The following PRKN variants were observed in gnomAD, a reference collection of about 807,000 sequenced individuals.
PRKN encodes the protein parkin RBR E3 ubiquitin protein ligase, also known as E3 ubiquitin-protein ligase parkin.
PRKN carries 56 observed loss-of-function variants against 59.5 expected under a neutral mutation model. The ratio of observed to expected loss-of-function variants is 0.94; its 90% CI spans 0.76 to 1.18. PRKN has a LOEUF of 1.18. Among genes scored for constraint, PRKN ranks in the 50% most tolerant of loss-of-function variants. The pLI is 0.00. For synonymous variants in PRKN, 250 were observed against 222.1 expected, an observed-to-expected ratio of 1.13 and a Z score of -1.12; for missense variants, 657 against 596.4, an observed-to-expected ratio of 1.10 and a Z score of -1.06.
chr6:162,643,586 G>C (rs965887698), intron 1 of PRKN, among the ~76,000 whole-genome samples: 12 of 151,828 alleles, frequency 7.9e-5, no homozygotes, highest in Non-Finnish European at 1.5e-4. Context: ...TGTGGGAAAG[G>C]GTGAGCTGTC....
At chr6:162,600,875 T>G (rs1036707827) in intron 1 of PRKN, among the ~76,000 whole-genome samples, 3 of 152,194 alleles carry the variant, frequency 2.0e-5, no homozygotes, top group African/African-American at 4.8e-5. Flanking sequence ...CTATGCTTCC[T>G]GTACAACTTG....
At position 161,874,560 on chromosome 6, in the gene PRKN, A is replaced by ATG. The variant is rs1384300475; in HGVS notation, c.735-88653_735-88652insCA. Among the ~76,000 whole-genome samples, 1,132 of 113,906 alleles carry ATG rather than the reference A, an allele frequency of 9.9e-3. 88 individuals are homozygous for ATG. The highest frequency in any genetic ancestry group is 0.013 in the Non-Finnish European group (786 of 62,412). The allele number at this position is 113,906 out of a possible 152,430, so 74.7% of individuals were successfully genotyped here. A position where few individuals can be genotyped will look rare whatever the true frequency, so the allele number is the denominator to read the frequency against. ...ATATATTATGTAAAATATATATTAT[A>ATG]TATAAAATATATATTATGTAAAATA... On this transcript the variant is annotated intron_variant, in intron 6 of 11. Transcript: ENST00000366898.
At chr6:162,424,087 T>C (rs1360651435) in intron 2 of PRKN, among the ~76,000 whole-genome samples, 3 of 152,078 alleles carry the variant, frequency 2.0e-5, no homozygotes, top group African/African-American at 7.2e-5. Context: ...AAAAGATATA[T>C]GTGACCAAGC....
intron 2 of PRKN, among the ~76,000 whole-genome samples, chr6:162,334,676 T>C (rs924129554): frequency 2.0e-5 from 3 of 152,220 alleles, no homozygotes; most frequent in African/African-American, 7.2e-5. Flanking sequence ...GCAAGTCTTA[T>C]TATTTAAGAA....
chr6:161,450,808 G>A (rs1352460351), intron 9 of PRKN, among the ~76,000 whole-genome samples: 10 of 152,112 alleles, frequency 6.6e-5, no homozygotes, highest in African/African-American at 2.4e-5. Flanking sequence ...GCCCACCCTG[G>A]CCTCCCAAAG....
Position 161,348,687 on chromosome 6 carries a change from T to G in PRKN, c.*1412A>C, listed in dbSNP as rs1784417603. 4.8e-6 allele frequency: 1 copy of G among 210,372 alleles called. No individual in the cohort carries two copies. Among genetic ancestry groups the G allele is most frequent in the African/African-American group, 2.3e-5 (1 of 44,094 alleles). 13.0% of individuals were successfully genotyped at this position (210,372 alleles called of 1,614,324 possible). On this transcript the variant is annotated 3_prime_UTR_variant, in exon 12 of 12. Coordinates refer to ENST00000366898, the MANE Select transcript of PRKN (RefSeq NM_004562.3). This position sits in a 1 kb window ranked among gnomAD's most constrained non-coding sequence, Gnocchi z 4.9. ...GAAGCCCTGTTGCCGATTTAATAATTTACAGTCTCTAAATCCAAAAGGGCC... is the reference window on the plus strand; with the variant it reads ...GAAGCCCTGTTGCCGATTTAATAATGTACAGTCTCTAAATCCAAAAGGGCC...
intron 1 of PRKN, among the ~76,000 whole-genome samples, chr6:162,525,880 G>A (rs1035623689): frequency 6.6e-5 from 10 of 152,042 alleles, no homozygotes; most frequent in African/African-American, 2.2e-4. Flanking sequence ...TGGAGACAGG[G>A]TCTCACTCCA....
intron 7 of PRKN, among the ~76,000 whole-genome samples, chr6:161,681,924 C>T (rs1479313056): frequency 6.6e-6 from 1 of 152,248 alleles, no homozygotes; most frequent in Non-Finnish European, 1.5e-5. Context: ...CAAAGGGCTC[C>T]TGCAGATAGA....
chr6:162,360,890 T>C (rs1025103776), intron 2 of PRKN, among the ~76,000 whole-genome samples: 2 of 152,216 alleles, frequency 1.3e-5, no homozygotes, highest in African/African-American at 2.4e-5. Flanking sequence ...GAACTGGCCT[T>C]TGAGAGACAA....
intron 3 of PRKN, among the ~76,000 whole-genome samples, chr6:162,250,676 A>G (rs1174071748): frequency 3.3e-5 from 5 of 152,230 alleles, no homozygotes; most frequent in African/African-American, 7.2e-5. Flanking sequence ...ATAAAGTAGG[A>G]CTTGCAAAAT....
At chr6:162,606,109 A>C (rs79355827) in intron 1 of PRKN, among the ~76,000 whole-genome samples, 2,930 of 152,256 alleles carry the variant, frequency 0.019, 90 homozygotes, top group African/African-American at 0.067. Flanking sequence ...TTTGAAGAAG[A>C]AGCAAAATAG....
At chr6:161,795,499 T>C (rs749885263) in intron 6 of PRKN, among the ~76,000 whole-genome samples, 2 of 152,184 alleles carry the variant, frequency 1.3e-5, no homozygotes, top group Non-Finnish European at 2.9e-5. Context: ...CTCCCAGTGC[T>C]GGGATTACAG....
chr6:162,097,504 G>A (rs1255060617), intron 4 of PRKN, among the ~76,000 whole-genome samples: 2 of 152,160 alleles, frequency 1.3e-5, no homozygotes, highest in East Asian at 1.9e-4. Context: ...ATGCAACTTG[G>A]AGAATTTCCG....
intron 3 of PRKN, among the ~76,000 whole-genome samples, chr6:162,214,067 T>A (rs1777530240): frequency 6.6e-6 from 1 of 151,842 alleles, no homozygotes; most frequent in African/African-American, 2.4e-5. Flanking sequence ...ACATCCCCTA[T>A]CTCTCTGGAG....
intron 1 of PRKN, among the ~76,000 whole-genome samples, chr6:162,570,771 C>T (rs922036851): frequency 6.6e-6 from 1 of 151,778 alleles, no homozygotes. Flanking sequence ...AACAGTTGAA[C>T]CCATGGACAT....
intron 3 of PRKN, among the ~76,000 whole-genome samples, chr6:162,223,385 T>C (rs918538427): frequency 9.2e-5 from 14 of 151,984 alleles, no homozygotes; most frequent in African/African-American, 3.1e-4. Flanking sequence ...AAAAGCTCAG[T>C]AGAGGCAGTT....
chr6:162,068,780 T>C (rs1018624701), intron 4 of PRKN, among the ~76,000 whole-genome samples: 1 of 136,850 alleles, frequency 7.3e-6, no homozygotes, highest in Non-Finnish European at 1.5e-5. Context: ...TGTATTTTCT[T>C]GGTTAGAGAA....
intron 1 of PRKN, among the ~76,000 whole-genome samples, chr6:162,629,867 G>A (rs2128222367): frequency 6.6e-6 from 1 of 152,228 alleles, no homozygotes; most frequent in South Asian, 2.1e-4. Flanking sequence ...GCATGTCAGA[G>A]AAAATGGCAG....
chr6:161,963,560 C>G (rs1018487533), intron 6 of PRKN, among the ~76,000 whole-genome samples: 3 of 152,228 alleles, frequency 2.0e-5, no homozygotes, highest in African/African-American at 7.2e-5. Flanking sequence ...GCAGCATAAT[C>G]TATATCCTGT....
Sources: gnomAD v4.1 joint callset for allele counts (sites outside exome capture counted in the v4.1 genomes callset) on GRCh38, gnomAD v4.1.1 for gene constraint, Gnocchi (gnomAD v3.1) non-coding constraint, MANE v1.5 for transcripts, NCBI Gene and HGNC (gene_info 2026-07-23, HGNC 2026-07-21) for gene names.